The following TMIGD3 variants were observed in gnomAD, a reference collection of about 807,000 sequenced individuals.
TMIGD3 encodes the protein AD026 protein (AD026).
TMIGD3 carries 21 observed loss-of-function variants against 28.1 expected under a neutral mutation model. The ratio of observed to expected loss-of-function variants is 0.75; its 90% CI spans 0.53 to 1.08. TMIGD3 has a LOEUF of 1.08. Ranked by LOEUF, TMIGD3 falls within the 50% of genes least tolerant of loss-of-function variation. The pLI is 0.00. For synonymous variants in TMIGD3, 151 were observed against 162.1 expected (o/e 0.93, Z 0.52); for missense variants, 416 against 435.6 (o/e 0.96, Z 0.40).
At chr1:111,538,893 A>G (rs1186032025) in intron 1 of TMIGD3, among the ~76,000 whole-genome samples, 2 of 152,102 alleles carry the variant, frequency 1.3e-5, no homozygotes, top group Non-Finnish European at 2.9e-5. Context: ...GCAGTAGAGA[A>G]ATTTCCCAAG....
At chr1:111,541,682 GAGAGAGAGAGAGAA>G (rs1164834858) in intron 1 of TMIGD3, among the ~76,000 whole-genome samples, 1 of 140,002 alleles carries the variant, frequency 7.1e-6, no homozygotes, top group Non-Finnish European at 1.5e-5. Flanking sequence ...GAGAGAGAAA[GAGAGAGAGAGAGAA>G]AGAGAGAGAG....
chr1:111,514,528 C>A (rs929009177), intron 1 of TMIGD3, among the ~76,000 whole-genome samples: 33 of 151,908 alleles, frequency 2.2e-4, no homozygotes, highest in African/African-American at 7.3e-4. Context: ...CCGCACTCCA[C>A]CCTGGATGAC....
intron 1 of TMIGD3, among the ~76,000 whole-genome samples, chr1:111,512,004 C>T (rs1655706488): frequency 6.6e-6 from 1 of 151,984 alleles, no homozygotes; most frequent in Non-Finnish European, 1.5e-5. Context: ...AGTTCAGGGT[C>T]AAAACTAGAA....
At chr1:111,525,744 G>A (rs1181556278) in intron 1 of TMIGD3, among the ~76,000 whole-genome samples, 1 of 152,028 alleles carries the variant, frequency 6.6e-6, no homozygotes, top group Non-Finnish European at 1.5e-5. Flanking sequence ...CATGCCTGTA[G>A]TCCCAGCTAC....
chr1:111,500,417 G>A (rs748651945), intron 1 of TMIGD3: 1 of 1,614,234 alleles, frequency 6.2e-7, no homozygotes, highest in Admixed American at 1.7e-5. Context: ...TGGCATGAAA[G>A]GAAGGTGACA....
intron 4 of TMIGD3, 39 bp from the exon 5 acceptor site, chr1:111,485,879 A>G (rs1261662164): frequency 1.3e-6 from 2 of 1,505,304 alleles, no homozygotes; most frequent in African/African-American, 2.8e-5. Flanking sequence ...TGCTTGGAAG[A>G]AACTGCCTAT....
chr1:111,498,735 C>T (rs1436361451), intron 1 of TMIGD3, among the ~76,000 whole-genome samples: 2 of 152,132 alleles, frequency 1.3e-5, no homozygotes, highest in Non-Finnish European at 2.9e-5. Flanking sequence ...GTGGTACCTA[C>T]CTCACAGATT....
At chr1:111,547,381 T>C (rs1474224311) in intron 1 of TMIGD3, among the ~76,000 whole-genome samples, 1 of 152,116 alleles carries the variant, frequency 6.6e-6, no homozygotes, top group Non-Finnish European at 1.5e-5. Flanking sequence ...ATTAATATTA[T>C]ATTGATTAAT....
At chr1:111,542,931 A>C (rs1315934498) in intron 1 of TMIGD3, among the ~76,000 whole-genome samples, 1 of 152,176 alleles carries the variant, frequency 6.6e-6, no homozygotes, top group Admixed American at 6.5e-5. Flanking sequence ...TCCTGAACTC[A>C]GGTGATCCTC....
chr1:111,512,206 G>T (rs1294410836), intron 1 of TMIGD3, among the ~76,000 whole-genome samples: 1 of 152,228 alleles, frequency 6.6e-6, no homozygotes, highest in Non-Finnish European at 1.5e-5. Flanking sequence ...AGAATAGTGG[G>T]TGCTAATCAG....
At chr1:111,527,611 A>G (rs1481546349) in intron 1 of TMIGD3, among the ~76,000 whole-genome samples, 1 of 152,174 alleles carries the variant, frequency 6.6e-6, no homozygotes, top group Non-Finnish European at 1.5e-5. Context: ...TGTCTTCACC[A>G]TTTTGCATTT....
chr1:111,556,900 A>ATT (rs1657513043), intron 1 of TMIGD3, among the ~76,000 whole-genome samples: 1 of 122,454 alleles, frequency 8.2e-6, no homozygotes, highest in African/African-American at 3.0e-5. Context: ...TACATTTTAC[A>ATT]TTATATATAT....
intron 1 of TMIGD3, chr1:111,563,699 AC>A: frequency 1.6e-6 from 1 of 618,166 alleles, no homozygotes; most frequent in Non-Finnish European, 2.9e-6. Context: ...CCTGTGGAAT[AC>A]AAATTATCTC....
rs547460404 is a variant in TMIGD3, at chr1:111,558,711, C to T, written c.107+5135G>A. On this transcript the variant is annotated intron_variant, in intron 1 of 5. Coordinates refer to the TMIGD3 transcript ENST00000369717. ...TTTTTATTTCCCAGGAAGATATAAACTTCTTAACTCTTATGTACCTAATAA... is the reference window on the plus strand; with the variant it reads ...TTTTTATTTCCCAGGAAGATATAAATTTCTTAACTCTTATGTACCTAATAA... Among the ~76,000 whole-genome samples, 3 of 152,250 alleles carry T rather than the reference C, an allele frequency of 2.0e-5. No homozygotes were observed. In the South Asian group the frequency reaches 6.2e-4, roughly 32 times the overall value.
chr1:111,542,182 A>C (rs1309471349), intron 1 of TMIGD3: 2 of 497,616 alleles, frequency 4.0e-6, no homozygotes, highest in Non-Finnish European at 8.0e-6. Context: ...TAATCCTTTG[A>C]AGGAAGATCG....
Position 111,549,609 on chromosome 1 carries a change from C to T in TMIGD3, c.107+14237G>A, listed in dbSNP as rs575667736. Among the ~76,000 whole-genome samples, 4 of 150,640 alleles carry T rather than the reference C, an allele frequency of 2.7e-5. No homozygotes were observed. In the East Asian group the frequency reaches 5.8e-4, roughly 22 times the overall value. ...AGGTTGTGGTGAGCCGATATCATGC[C>T]ACTGCACTCCAGCCTGGGCAACAGA... On this transcript the variant is annotated intron_variant, in intron 1 of 5. Coordinates refer to the TMIGD3 transcript ENST00000369717.
upstream of TMIGD3, among the ~76,000 whole-genome samples, chr1:111,506,387 A>C (rs1254024394): frequency 6.6e-6 from 1 of 152,238 alleles, no homozygotes; most frequent in Non-Finnish European, 1.5e-5. Context: ...CCAACTACTC[A>C]GTGTTAAGCA....
chr1:111,498,535 G>A (rs1241617992), intron 1 of TMIGD3, among the ~76,000 whole-genome samples: 1 of 152,226 alleles, frequency 6.6e-6, no homozygotes, highest in Non-Finnish European at 1.5e-5. Flanking sequence ...GAGCTTGAAA[G>A]TTTGGGCTTT....
At chr1:111,557,949 G>A (rs562922260) in intron 1 of TMIGD3, among the ~76,000 whole-genome samples, 1 of 152,008 alleles carries the variant, frequency 6.6e-6, no homozygotes, top group East Asian at 1.9e-4. Flanking sequence ...TGCATGTTAA[G>A]ATTTCTAGAG....
Sources: allele counts gnomAD v4.1 joint callset (sites outside exome capture counted in the v4.1 genomes callset), GRCh38; gene constraint gnomAD v4.1.1; transcripts MANE v1.5; gene names NCBI Gene and HGNC (gene_info 2026-07-23, HGNC 2026-07-21).